BSN: variants seen among roughly 807,000 people sequenced by gnomAD.
The protein encoded by BSN is protein bassoon.
A neutral mutation model predicts 264.8 loss-of-function variants in BSN; 57 were observed. That is an observed-to-expected ratio of 0.22 (90% CI 0.17 to 0.27). The LOEUF (loss-of-function observed/expected upper bound fraction) is 0.27. BSN is among the 10% of genes least tolerant of loss of function. The pLI is 1.00. For synonymous variants in BSN, 2,059 were observed against 2,137.3 expected (o/e 0.96, Z 1.01); for missense variants, 4,615 against 5,232.5 (o/e 0.88, Z 3.64).
chr3:49,637,700 G>T (rs1423030627), intron 2 of BSN, among the ~76,000 whole-genome samples: 1 of 152,166 alleles, frequency 6.6e-6, no homozygotes, highest in Non-Finnish European at 1.5e-5. Flanking sequence ...GAGCCCACAG[G>T]GTCCTATGTT....
intron 1 of BSN, among the ~76,000 whole-genome samples, chr3:49,606,164 AC>A (rs1190108261): frequency 5.8e-4 from 24 of 41,058 alleles, no homozygotes; most frequent in African/African-American, 2.0e-3. Context: ...TATTATATAT[AC>A]ATATATTATA....
intron 1 of BSN, among the ~76,000 whole-genome samples, chr3:49,623,515 T>C (rs573729261): frequency 3.2e-4 from 48 of 152,378 alleles, no homozygotes; most frequent in Non-Finnish European, 6.3e-4. Context: ...CTCATGGAAC[T>C]ACCCAACACT....
chr3:49,589,965 G>A (rs1226521793), intron 1 of BSN, among the ~76,000 whole-genome samples: 1 of 151,740 alleles, frequency 6.6e-6, no homozygotes, highest in Non-Finnish European at 1.5e-5. Flanking sequence ...AGCCTCCTGA[G>A]GAGATGGGAC....
chr3:49,663,304 C>A lies in BSN; in HGVS notation c.11146C>A (p.His3716Asn), dbSNP rs575147227. 171 of 1,614,096 alleles carry A rather than the reference C, an allele frequency of 1.1e-4. 2 individuals are homozygous for A. The South Asian group carries it at 1.7e-3, about 16-fold the overall frequency. Residue 3716 changes from histidine (H) to asparagine (N), a missense_variant, in exon 7 of 12, where the codon CAT becomes AAT. His to Asn is a moderately conservative substitution (Grantham distance 68). This residue lies in a region of BSN where 3,415 missense variants were observed against 3,866.4 expected (regional missense o/e 0.88). Transcript: ENST00000296452. ...GCCATCCCGTGCTTCATCCGCATACCATCATGCCTCTGACAGCAAGAAGGG... is the reference window on the plus strand; with the variant it reads ...GCCATCCCGTGCTTCATCCGCATACAATCATGCCTCTGACAGCAAGAAGGG... The part of the protein sequence containing the change: ...SQPSRASSAY[H>N]HASDSKKGSR...
chr3:49,634,650 C>T (rs538283605), intron 2 of BSN, among the ~76,000 whole-genome samples: 56 of 152,272 alleles, frequency 3.7e-4, no homozygotes, highest in African/African-American at 1.3e-3. Flanking sequence ...CCTCACCCTC[C>T]CAAAGTGCTG....
chr3:49,634,073 T>C (rs1317489331), intron 2 of BSN, among the ~76,000 whole-genome samples: 3 of 152,136 alleles, frequency 2.0e-5, no homozygotes, highest in Non-Finnish European at 4.4e-5. Context: ...CGGGGTGTGT[T>C]GGCCCATGCC....
chr3:49,612,263 G>A (rs2052214325), intron 1 of BSN, among the ~76,000 whole-genome samples: 1 of 152,032 alleles, frequency 6.6e-6, no homozygotes, highest in South Asian at 2.1e-4. Flanking sequence ...AGCCTCCCAA[G>A]TAGCTGGGAT....
chr3:49,633,429 A>G (rs569125923), intron 2 of BSN, among the ~76,000 whole-genome samples: 10 of 152,226 alleles, frequency 6.6e-5, no homozygotes, highest in Non-Finnish European at 5.9e-5. Context: ...ATAAATAAAT[A>G]AATGTTGGCA....
chr3:49,659,861 T>C (rs2052638894), intron 5 of BSN, among the ~76,000 whole-genome samples: 1 of 152,034 alleles, frequency 6.6e-6, no homozygotes, highest in South Asian at 2.1e-4. Flanking sequence ...CCCAGAGGGT[T>C]TGGCAGAGGG....
chr3:49,564,017 T>C (rs1289073989), intron 1 of BSN, among the ~76,000 whole-genome samples: 1 of 152,220 alleles, frequency 6.6e-6, no homozygotes, highest in African/African-American at 2.4e-5. Context: ...GTCCCTGCGC[T>C]TACTTCCTCA....
chr3:49,660,834 CGTGACT>C lies in BSN; in HGVS notation c.8990_8995del (p.Arg2997_Tyr2999delinsHis), dbSNP rs781055345. On this transcript the variant is annotated inframe_deletion, in exon 6 of 12. Transcript: ENST00000296452. This position sits in a 1 kb window ranked among gnomAD's most constrained non-coding sequence, Gnocchi z 7.1. ...GTCTTTGGCCAAAGACCGGGGTGGC[CGTGACT>C]ACCCACCCTTGCGTGGTCTTGGCGA... 6.8e-5 allele frequency: 110 copies of C among 1,613,136 alleles called. 1 individual carries two copies. The South Asian group carries it at 1.1e-3, about 16-fold the overall frequency.
intron 1 of BSN, among the ~76,000 whole-genome samples, chr3:49,572,026 C>T (rs1380552274): frequency 6.6e-6 from 1 of 152,202 alleles, no homozygotes; most frequent in Non-Finnish European, 1.5e-5. Context: ...AGAGTCTGCG[C>T]AGGCTCTGAG....
chr3:49,633,044 C>T (rs1458250185), intron 2 of BSN, among the ~76,000 whole-genome samples: 2 of 152,168 alleles, frequency 1.3e-5, no homozygotes, highest in Non-Finnish European at 2.9e-5. Flanking sequence ...TGGTGGCTCA[C>T]ACCTGTAATC....
At chr3:49,666,322 C>A (rs1310046253) in intron 11 of BSN, among the ~76,000 whole-genome samples, 1 of 152,180 alleles carries the variant, frequency 6.6e-6, no homozygotes, top group Non-Finnish European at 1.5e-5. Context: ...TCTGGAAAAG[C>A]AGTGGGGCCC....
chr3:49,613,482 T>G (rs1309043242), intron 1 of BSN, among the ~76,000 whole-genome samples: 2 of 150,996 alleles, frequency 1.3e-5, no homozygotes, highest in Non-Finnish European at 2.9e-5. Flanking sequence ...GTTCAAGTTT[T>G]TATTATTATT....
At chr3:49,596,732 C>T (rs1376020516) in intron 1 of BSN, among the ~76,000 whole-genome samples, 7 of 152,094 alleles carry the variant, frequency 4.6e-5, no homozygotes, top group Non-Finnish European at 1.5e-5. Context: ...GTGATCATAG[C>T]ACACTACAGC....
intron 2 of BSN, among the ~76,000 whole-genome samples, chr3:49,629,804 C>T (rs958604254): frequency 2.0e-5 from 3 of 152,226 alleles, no homozygotes; most frequent in Admixed American, 1.3e-4. Context: ...CTCCCACCAC[C>T]CTTGCTCTAG....
intron 2 of BSN, among the ~76,000 whole-genome samples, chr3:49,627,170 A>G (rs760664733): frequency 3.9e-5 from 6 of 152,248 alleles, no homozygotes; most frequent in Non-Finnish European, 7.3e-5. Context: ...TTGCTGTGAG[A>G]TTCCTCAGGA....
intron 1 of BSN, among the ~76,000 whole-genome samples, chr3:49,615,560 C>T (rs1019631557): frequency 6.6e-6 from 1 of 152,176 alleles, no homozygotes; most frequent in Non-Finnish European, 1.5e-5. Context: ...TGCCCAGGAA[C>T]CCTGGGTGTG....
Sources: allele counts gnomAD v4.1 joint callset (sites outside exome capture counted in the v4.1 genomes callset), GRCh38; gene constraint gnomAD v4.1.1; regional missense constraint gnomAD v4.1.1; non-coding constraint Gnocchi (gnomAD v3.1); transcripts MANE v1.5; gene names NCBI Gene and HGNC (gene_info 2026-07-23, HGNC 2026-07-21).